RP1: variants seen among roughly 807,000 people sequenced by gnomAD.
The protein encoded by RP1 is RP1 axonemal microtubule associated.
In RP1, 16 loss-of-function variants were observed where a neutral mutation model predicts 14.8. That is an observed-to-expected ratio of 1.08 (90% CI 0.73 to 1.65). The LOEUF (loss-of-function observed/expected upper bound fraction) is 1.65, where lower values mean the gene tolerates loss of function less well. Ranked by LOEUF, RP1 falls within the 40% of genes most tolerant of loss-of-function variation. RP1 has a pLI of 0.00. For missense variants in RP1, 2,631 were observed against 2,535.0 expected (o/e 1.04, Z -0.81); for synonymous variants, 876 against 883.6 (o/e 0.99, Z 0.15).
At chr8:54,649,330 G>A (rs991652269) in intron 4 of RP1, among the ~76,000 whole-genome samples, 2 of 152,116 alleles carry the variant, frequency 1.3e-5, no homozygotes, top group Non-Finnish European at 2.9e-5. Flanking sequence ...TATGGGAAGA[G>A]ACAGTAGCTA....
At chr8:54,645,131 C>T (rs1229110951) in intron 3 of RP1, among the ~76,000 whole-genome samples, 2 of 152,106 alleles carry the variant, frequency 1.3e-5, no homozygotes, top group African/African-American at 4.8e-5. Context: ...TAACCCATGA[C>T]GAACCTGTTG....
chr8:54,755,167 C>T (rs1046175438), intron 20 of RP1, among the ~76,000 whole-genome samples: 11 of 152,158 alleles, frequency 7.2e-5, no homozygotes, highest in African/African-American at 2.7e-4. Context: ...AAGGCTGAGG[C>T]TGTGAGAGAC....
upstream of RP1, among the ~76,000 whole-genome samples, chr8:54,614,751 C>CT (rs1805675779): frequency 1.3e-5 from 2 of 152,078 alleles, no homozygotes; most frequent in East Asian, 1.9e-4. Flanking sequence ...CAAAAGAAAC[C>CT]TTTTTTGGTT....
rs1806977838 is a variant in RP1, at chr8:54,664,725, G to A, written c.1323+875G>A. Reference sequence around the variant, plus strand: ...GTTCAAGTCCTTTGCCCATTTTAGGGTTGGGTTATTTGTAGGAATAGAAAA... The same window carrying A: ...GTTCAAGTCCTTTGCCCATTTTAGGATTGGGTTATTTGTAGGAATAGAAAA... On this transcript the variant is annotated intron_variant, in intron 7 of 22. Transcript: ENST00000636932. Among the ~76,000 whole-genome samples the A allele has an allele frequency of 3.9e-5, 6 of 152,106 alleles. No homozygotes were observed. The South Asian group carries it at 1.0e-3, about 26-fold the overall frequency.
Position 54,628,916 on chromosome 8 carries a change from G to A in RP1, c.5034G>A (p.Gln1678=). 1 of 1,614,044 alleles carries A rather than the reference G, an allele frequency of 6.2e-7. No individual in the cohort carries two copies. Among genetic ancestry groups the A allele is most frequent in the South Asian group, 1.1e-5 (1 of 91,082 alleles). Residue 1678 remains glutamine (Q), a synonymous_variant, in exon 4 of 4, where the codon CAG becomes CAA. Transcript: ENST00000220676. ...RKASLYDSEG[Q]SFGSSEQVSS... Reference sequence around the variant, plus strand: ...CAAGTCTTTATGATTCTGAAGGGCAGTCATTTGGCTCTTCTGAACAGGTAT... The same window carrying A: ...CAAGTCTTTATGATTCTGAAGGGCAATCATTTGGCTCTTCTGAACAGGTAT...
intron 25 of RP1, among the ~76,000 whole-genome samples, chr8:54,840,756 C>A (rs556012987): frequency 6.6e-6 from 1 of 151,924 alleles, no homozygotes; most frequent in Non-Finnish European, 1.5e-5. Context: ...TTCATCCTTT[C>A]TCCAGACTAG....
intron 22 of RP1, among the ~76,000 whole-genome samples, chr8:54,766,212 T>C (rs1053342940): frequency 4.6e-5 from 7 of 152,092 alleles, no homozygotes; most frequent in African/African-American, 1.4e-4. Flanking sequence ...TTTCCCTTTC[T>C]GGGAAAAGAG....
chr8:54,564,356 A>G (rs1804353470), intron 1 of RP1, among the ~76,000 whole-genome samples: 1 of 152,060 alleles, frequency 6.6e-6, no homozygotes, highest in African/African-American at 2.4e-5. Context: ...TGGGCTGGAA[A>G]CCTAGATCCA....
chr8:54,804,647 T>C (rs1810802345), intron 24 of RP1, among the ~76,000 whole-genome samples: 1 of 151,930 alleles, frequency 6.6e-6, no homozygotes, highest in African/African-American at 2.4e-5. Context: ...AACCAAAAAG[T>C]ATAAGATGGG....
At chr8:54,737,917 G>C (rs78368451) in intron 18 of RP1, among the ~76,000 whole-genome samples, 4,390 of 152,112 alleles carry the variant, frequency 0.029, 192 homozygotes, top group African/African-American at 0.1. Context: ...GAGGTAGATT[G>C]GTGCCTGTAG....
At chr8:54,596,805 T>C (rs1247352125) in intron 1 of RP1, among the ~76,000 whole-genome samples, 2 of 152,190 alleles carry the variant, frequency 1.3e-5, no homozygotes. Context: ...AAATTACCCA[T>C]CTCCTTGCCT....
At chr8:54,711,163 G>T (rs1381166767) in intron 15 of RP1, among the ~76,000 whole-genome samples, 1 of 152,104 alleles carries the variant, frequency 6.6e-6, no homozygotes, top group Non-Finnish European at 1.5e-5. Context: ...CTGTTACTAT[G>T]TTTTTTTAAT....
At position 54,622,290 on chromosome 8, in the gene RP1, TA is replaced by T; in HGVS notation, c.787+4del. ...ATGCAAAGTCAGAAAGCAGAAAGAG[TA>T]AGTCACTTATTAATATATAGCCCAT... is the stretch of plus-strand genomic sequence containing the variant. On this transcript the variant is annotated splice_donor_region_variant and intron_variant, in intron 3 of 3. Coordinates refer to ENST00000220676, the MANE Select transcript of RP1 (RefSeq NM_006269.2). The T allele has an allele frequency of 6.2e-7, 1 of 1,613,720 alleles. No homozygotes were observed.
At chr8:54,624,443 C>CAAAAAAAAAAAAAAAAAAAAAAAA (rs11332494) in intron 3 of RP1, among the ~76,000 whole-genome samples, 6 of 56,590 alleles carry the variant, frequency 1.1e-4, no homozygotes, top group African/African-American at 1.6e-4. Flanking sequence ...GACTCTGTCT[C>CAAAAAAAAAAAAAAAAAAAAAAAA]AAAAAAAAAA....
intron 1 of RP1, among the ~76,000 whole-genome samples, chr8:54,580,732 C>G (rs562878660): frequency 6.6e-6 from 1 of 152,096 alleles, no homozygotes; most frequent in African/African-American, 2.4e-5. Context: ...GATTCTCCTG[C>G]CCCAGCCTCC....
rs778245191 is a variant in RP1, at chr8:54,627,698, G to T, written c.3816G>T (p.Glu1272Asp). 20 of 1,614,026 alleles carry T rather than the reference G, an allele frequency of 1.2e-5. No individual in the cohort carries two copies. Among genetic ancestry groups the T allele is most frequent in the Non-Finnish European group, 1.7e-5 (20 of 1,179,980 alleles). ...CTVNKAYSPK[E>D]TCNPSDTFFP... ...TAAATAAGGCTTATTCTCCAAAAGAGACATGTAACCCCAGTGACACTTTTT... is the reference window on the plus strand; with the variant it reads ...TAAATAAGGCTTATTCTCCAAAAGATACATGTAACCCCAGTGACACTTTTT... The change falls in exon 4 of 4, where the codon GAG (glutamate) becomes GAT (aspartate). Residue 1272 changes from glutamate to aspartate, a missense_variant. Transcript: ENST00000220676.
chr8:54,733,333 A>G (rs1214128720), intron 17 of RP1, among the ~76,000 whole-genome samples: 4 of 152,190 alleles, frequency 2.6e-5, no homozygotes, highest in Non-Finnish European at 5.9e-5. Flanking sequence ...AACCCTGCAT[A>G]TAATAGGAGC....
At chr8:54,815,004 G>A (rs908242028) in intron 24 of RP1, among the ~76,000 whole-genome samples, 7 of 152,172 alleles carry the variant, frequency 4.6e-5, no homozygotes, top group African/African-American at 9.7e-5. Context: ...GCGAGACTCC[G>A]TCTCAAAAAA....
intron 24 of RP1, among the ~76,000 whole-genome samples, chr8:54,825,516 A>G (rs992801340): frequency 6.6e-6 from 1 of 152,228 alleles, no homozygotes; most frequent in African/African-American, 2.4e-5. Context: ...CCTCGTTAAA[A>G]GGATGAAAAG....
Sources: gnomAD v4.1 joint callset for allele counts (sites outside exome capture counted in the v4.1 genomes callset) on GRCh38, gnomAD v4.1.1 for gene constraint, MANE v1.5 for transcripts, NCBI Gene and HGNC (gene_info 2026-07-23, HGNC 2026-07-21) for gene names.